POLE: variants seen among roughly 807,000 people sequenced by gnomAD.
POLE encodes the protein DNA polymerase epsilon catalytic subunit A.
A neutral mutation model predicts 279.2 loss-of-function variants in POLE; 188 were observed. That is an observed-to-expected ratio of 0.67 (90% CI 0.60 to 0.76). The LOEUF (loss-of-function observed/expected upper bound fraction) is 0.76, where lower values mean the gene tolerates loss of function less well. Ranked by LOEUF, POLE falls within the 30% of genes least tolerant of loss-of-function variation. The pLI, the probability that POLE is intolerant of heterozygous loss-of-function variation, is 0.00. For missense variants in POLE, 2,703 were observed against 3,016.7 expected, an observed-to-expected ratio of 0.90 and a Z score of 2.44; for synonymous variants, 1,214 against 1,172.5, an observed-to-expected ratio of 1.04 and a Z score of -0.72.
At chr12:132,636,441 G>GAAAAAAAAAAAA (rs60289510) in intron 41 of POLE, among the ~76,000 whole-genome samples, 1 of 44,446 alleles carries the variant, frequency 2.2e-5, no homozygotes, top group Non-Finnish European at 4.0e-5. Context: ...TCCATTTAAG[G>GAAAAAAAAAAAA]AAAAAAAAAA....
intron 29 of POLE, among the ~76,000 whole-genome samples, chr12:132,652,267 C>T (rs866000481): frequency 2.6e-5 from 4 of 151,860 alleles, no homozygotes; most frequent in South Asian, 2.1e-4. Flanking sequence ...GCCCTTCCCA[C>T]CCCAGCATCA....
In POLE at chr12:132,665,326, A is replaced by G. The variant is rs2042769148; in HGVS notation, c.2444T>C (p.Phe815Ser). 1 of 1,614,000 alleles carries G rather than the reference A, an allele frequency of 6.2e-7. No homozygotes were observed. The highest frequency in any genetic ancestry group is 1.3e-5 in the African/African-American group (1 of 75,004). Residue 815 changes from phenylalanine (F) to serine (S), a missense_variant, in exon 21 of 49, where the codon TTC becomes TCC. Physicochemically the swap from Phe to Ser is radical, Grantham distance 155 (BLOSUM62 -2). Transcript: ENST00000320574. ...QLAHKCILNS[F>S]YGYVMRKGAR... ...CCCCTTGCGCATGACATAGCCATAG[A>G]AGGAGTTCAGGATGCACTTGTGGGC...
chr12:132,677,287 C>T, intron 8 of POLE, 76 bp downstream of exon 8: 2 of 986,950 alleles, frequency 2.0e-6, no homozygotes, highest in South Asian at 2.6e-5. Context: ...GAGTCAGATT[C>T]ACTCTCCAGC....
Position 132,668,293 on chromosome 12 carries a change from T to G in POLE, c.2173+63A>C, listed in dbSNP as rs2042840394. 1 of 1,501,242 alleles carries G rather than the reference T, an allele frequency of 6.7e-7. No individual in the cohort carries two copies. The highest frequency in any genetic ancestry group is 1.4e-5 in the South Asian group (1 of 73,212). The allele number at this position is 1,501,242 out of a possible 1,614,324, so 93.0% of individuals were successfully genotyped here. On this transcript the variant is annotated intron_variant, in intron 19 of 48. Transcript: ENST00000320574. The surrounding 1 kb of genome is among the most constrained non-coding windows in gnomAD (Gnocchi z 4.0). The stretch of plus-strand genomic sequence containing the variant: ...GCTGGGATGGACCAACGCAGCCCAG[T>G]AAGAACAGAAAGTGGGAGCAGGAGC...
chr12:132,649,949 G>T (rs868813506), intron 29 of POLE, 60 bp from the exon 30 acceptor site: 2 of 1,469,074 alleles, frequency 1.4e-6, no homozygotes, highest in Non-Finnish European at 1.9e-6. Context: ...GGTGGCTCAT[G>T]CCTGGAATGC....
intron 12 of POLE, among the ~76,000 whole-genome samples, chr12:132,674,464 G>A (rs192689120): frequency 4.7e-4 from 71 of 152,084 alleles, no homozygotes; most frequent in Middle Eastern, 6.8e-3. Context: ...ATATGGGTGG[G>A]GCTTCCAGGC....
At chr12:132,665,734 C>T (rs1389431293) in intron 20 of POLE, among the ~76,000 whole-genome samples, 1 of 152,136 alleles carries the variant, frequency 6.6e-6, no homozygotes, top group Non-Finnish European at 1.5e-5. Context: ...GGAACAAGAG[C>T]TACTCGGGGG....
At chr12:132,663,940 C>G in intron 23 of POLE, 64 bp downstream of exon 23, 16 of 1,576,516 alleles carry the variant, frequency 1.0e-5, no homozygotes, top group Non-Finnish European at 1.4e-5. Flanking sequence ...GCTGCAGAGC[C>G]AGTGACATCA....
chr12:132,624,679 C>A lies in POLE; in HGVS notation c.*18G>T, dbSNP rs573406234. 394 of 1,515,198 alleles carry A rather than the reference C, an allele frequency of 2.6e-4. 2 individuals are homozygous for A. The Middle Eastern group carries it at 0.01, about 40-fold the overall frequency. The allele number at this position is 1,515,198 out of a possible 1,614,324, so 93.9% of individuals were successfully genotyped here. On this transcript the variant is annotated 3_prime_UTR_variant, in exon 49 of 49. Coordinates refer to ENST00000320574, the MANE Select transcript of POLE (RefSeq NM_006231.4). ...GAGGCCTGGCACGGACGCAGAGGCA[C>A]CCGGGGCCCGGGGCTGGCTAATGGC...
intron 29 of POLE, among the ~76,000 whole-genome samples, chr12:132,652,304 T>C (rs1011611816): frequency 1.7e-4 from 25 of 149,534 alleles, no homozygotes; most frequent in Non-Finnish European, 3.1e-4. Context: ...TTACCAAAGA[T>C]TGTAGTTTCC....
chr12:132,669,027 G>A (rs1242056738), intron 16 of POLE, 88 bp from the exon 17 acceptor site: 4 of 1,268,438 alleles, frequency 3.2e-6, no homozygotes, highest in African/African-American at 1.5e-5. Flanking sequence ...TTCAGGAGAG[G>A]AAAAAGCTGA....
At chr12:132,649,973 G>A (rs1565947080) in intron 29 of POLE, 84 bp from the exon 30 acceptor site, 3 of 1,190,736 alleles carry the variant, frequency 2.5e-6, no homozygotes, top group African/African-American at 1.5e-5. Context: ...CACTTTGGGA[G>A]GCCAAGACAG....
Position 132,673,637 on chromosome 12 carries a change from C to T in POLE, c.1297G>A (p.Gly433Ser), listed in dbSNP as rs1190891892. ...NLKAAAKAKL[G>S]YDPVELDPED... Reference sequence around the variant, plus strand: ...GGGTCTAGCTCCACGGGATCATAGCCTAGCTTGGCCTTGGCGGCCGCCTTG... The same window carrying T: ...GGGTCTAGCTCCACGGGATCATAGCTTAGCTTGGCCTTGGCGGCCGCCTTG... Residue 433 changes from glycine (G) to serine (S), a missense_variant, in exon 13 of 49, where the codon GGC becomes AGC. Gly to Ser is a moderately conservative substitution (Grantham distance 56). Around this residue, in one of 5 missense-constraint regions of POLE, gnomAD observed 1,011 missense variants for 1,111.7 expected, o/e 0.91. Coordinates refer to ENST00000320574, the MANE Select transcript of POLE (RefSeq NM_006231.4). The T allele has an allele frequency of 4.3e-6, 7 of 1,613,930 alleles. No homozygotes were observed. Among genetic ancestry groups the T allele is most frequent in the Non-Finnish European group, 5.9e-6 (7 of 1,180,016 alleles).
Position 132,634,361 on chromosome 12 carries a change from T to C in POLE, c.5829A>G (p.Ala1943=). ...TTTCCTGCTCATCCTCTGCTCCCCC[T>C]GCTTTCTGGGAGTCTTGCTGTAACA... The part of the protein sequence containing the change: ...IHCGLQDSQK[A]GGAEDEQENE... The change falls in exon 43 of 49, where the codon GCA becomes GCG. Residue 1943 remains alanine, a synonymous_variant. Coordinates refer to ENST00000320574, the MANE Select transcript of POLE (RefSeq NM_006231.4). The surrounding 1 kb of genome is among the most constrained non-coding windows in gnomAD (Gnocchi z 4.0). 6.2e-7 allele frequency: 1 copy of C among 1,613,452 alleles called. No individual in the cohort carries two copies. Among genetic ancestry groups the C allele is most frequent in the Non-Finnish European group, 8.5e-7 (1 of 1,179,536 alleles).
chr12:132,686,423 G>A (rs2043269274), intron 1 of POLE, among the ~76,000 whole-genome samples: 1 of 151,936 alleles, frequency 6.6e-6, no homozygotes, highest in African/African-American at 2.4e-5. Context: ...CCACCAGCCT[G>A]TCTAATTTTT....
At chr12:132,633,146 T>G in intron 43 of POLE, 1 of 165,058 alleles carries the variant, frequency 6.1e-6, no homozygotes, top group Non-Finnish European at 1.2e-5. Flanking sequence ...TCCGGGCCTG[T>G]CACCTGGCAC....
At chr12:132,657,286 G>A (rs367913984) in intron 28 of POLE, 28 bp from the exon 29 acceptor site, 1 of 1,614,104 alleles carries the variant, frequency 6.2e-7, no homozygotes, top group South Asian at 1.1e-5. Context: ...CCATCAGAGA[G>A]AGACCCTTGT....
At position 132,632,782 on chromosome 12, in the gene POLE, G is replaced by C; in HGVS notation, c.6018C>G (p.Ala2006=). The change falls in exon 44 of 49, where the codon GCC becomes GCG. Residue 2006 remains alanine (A), a synonymous_variant. Transcript: ENST00000320574. ...FLMIVSAYIV[A]VYHCMKDGLR... ...GCCCGTCCTTCATGCAGTGGTACAC[G>C]GCCACGATGTACGCTGTGGAGAGGC... is the stretch of plus-strand genomic sequence containing the variant. 6.2e-7 allele frequency: 1 copy of C among 1,609,012 alleles called. No homozygotes were observed.
rs2136008912 is a variant in POLE, at chr12:132,675,454, C to T, written c.1170G>A (p.Gln390=). ...GLSMQQEIGF[Q]KDSQGEYKAP... is the part of the protein sequence containing the mutation. The stretch of plus-strand genomic sequence containing the variant: ...CCTTGTACTCCCCCTGGCTGTCCTT[C>T]TGGAAGCCTATCTCCTGCTGCATGC... The change falls in exon 12 of 49, where the codon CAG becomes CAA. Residue 390 remains glutamine (Q), a synonymous_variant. Transcript: ENST00000320574. This position sits in a 1 kb window ranked among gnomAD's most constrained non-coding sequence, Gnocchi z 4.3. The T allele has an allele frequency of 1.2e-6, 2 of 1,614,190 alleles. No homozygotes were observed. The highest frequency in any genetic ancestry group is 2.2e-5 in the East Asian group (1 of 44,874).
Sources: gnomAD v4.1 joint callset for allele counts (sites outside exome capture counted in the v4.1 genomes callset) on GRCh38, gnomAD v4.1.1 for gene constraint, gnomAD v4.1.1 regional missense constraint, Gnocchi (gnomAD v3.1) non-coding constraint, MANE v1.5 for transcripts, NCBI Gene and HGNC (gene_info 2026-07-23, HGNC 2026-07-21) for gene names.